GSDMA: variants seen among roughly 807,000 people sequenced by gnomAD.
The protein encoded by GSDMA is gasdermin-A.
Under a neutral mutation model 54.3 loss-of-function variants are expected in GSDMA, and 55 were observed. The ratio of observed to expected loss-of-function variants is 1.01; its 90% CI spans 0.82 to 1.27. The LOEUF (loss-of-function observed/expected upper bound fraction) is 1.27, where lower values mean the gene tolerates loss of function less well. Among genes scored for constraint, GSDMA ranks in the 50% most tolerant of loss-of-function variants. The pLI, the probability that GSDMA is intolerant of heterozygous loss-of-function variation, is 0.00. For synonymous variants in GSDMA, 211 were observed against 224.7 expected, an observed-to-expected ratio of 0.94 and a Z score of 0.54; for missense variants, 542 against 542.6, an observed-to-expected ratio of 1.00 and a Z score of 0.01.
In GSDMA at chr17:39,972,165, T is replaced by C; in HGVS notation, c.692T>C (p.Phe231Ser). 1 of 1,360,444 alleles carries C rather than the reference T, an allele frequency of 7.4e-7. No homozygotes were observed. Among genetic ancestry groups the C allele is most frequent in the Admixed American group, 1.9e-5 (1 of 51,420 alleles). 84.3% of individuals were successfully genotyped at this position (1,360,444 alleles called of 1,614,324 possible). A position where few individuals can be genotyped will look rare whatever the true frequency, so the allele number is the denominator to read the frequency against. Residue 231 changes from phenylalanine (F) to serine (S), a missense_variant, in exon 6 of 12, where the codon TTC (phenylalanine) becomes TCC (serine). Transcript: ENST00000301659. ...ATCTGCAATGATAACATGCAAACCT[T>C]CCCTCCTGGAGGTAAGTGAAATTGC... ...PHICNDNMQTFPPGEKSGEEK... is the reference protein window; with the variant it reads ...PHICNDNMQTSPPGEKSGEEK...
chr17:39,976,213 T>C (rs1281783092), intron 11 of GSDMA, among the ~76,000 whole-genome samples: 1 of 152,174 alleles, frequency 6.6e-6, no homozygotes, highest in Non-Finnish European at 1.5e-5. Flanking sequence ...TTTATTAGCC[T>C]GATCTTGGGA....
chr17:39,968,423 C>T (rs1039559731), intron 3 of GSDMA, among the ~76,000 whole-genome samples: 6 of 143,130 alleles, frequency 4.2e-5, no homozygotes, highest in Non-Finnish European at 9.0e-5. Context: ...TACCAGGTCA[C>T]TGCAACCTCC....
Position 39,974,286 on chromosome 17 carries a change from A to C in GSDMA, c.765A>C (p.Glu255Asp). Residue 255 changes from glutamate (E) to aspartate (D), a missense_variant, in exon 9 of 12, where the codon GAA becomes GAC. Coordinates refer to ENST00000301659, the MANE Select transcript of GSDMA (RefSeq NM_178171.5). ...TTGTCCCCATAGGGGACGTACACGAAGGCTTCAGGACACTAAAAGAAGAAG... is the reference window on the plus strand; with the variant it reads ...TTGTCCCCATAGGGGACGTACACGACGGCTTCAGGACACTAAAAGAAGAAG... The part of the protein sequence containing the change: ...IQASDVGDVH[E>D]GFRTLKEEVQ... 6.2e-7 allele frequency: 1 copy of C among 1,610,504 alleles called. No individual in the cohort carries two copies. Among genetic ancestry groups the C allele is most frequent in the African/African-American group, 1.3e-5 (1 of 74,888 alleles).
intron 1 of GSDMA, 44 bp from the exon 2 acceptor site, chr17:39,965,639 C>A: frequency 6.6e-7 from 1 of 1,505,148 alleles, no homozygotes; most frequent in Non-Finnish European, 9.1e-7. Flanking sequence ...CCTTGGCAGC[C>A]TTGGCAGCCA....
intron 3 of GSDMA, among the ~76,000 whole-genome samples, chr17:39,969,969 A>ACAT (rs34076738): frequency 1.3e-5 from 2 of 151,760 alleles, no homozygotes; most frequent in African/African-American, 4.8e-5. Context: ...AGGATTAGGG[A>ACAT]GTTTATATAT....
intron 7 of GSDMA, 71 bp downstream of exon 7, chr17:39,972,684 CT>C: frequency 7.6e-7 from 1 of 1,319,248 alleles, no homozygotes; most frequent in Non-Finnish European, 1.1e-6. Context: ...TTTTTCTTTC[CT>C]TCTGACAGGA....
chr17:39,963,787 G>A (rs1019934112), intron 1 of GSDMA, among the ~76,000 whole-genome samples: 1 of 152,156 alleles, frequency 6.6e-6, no homozygotes, highest in Non-Finnish European at 1.5e-5. Context: ...CCAGGAGATG[G>A]AGGTTGCAGT....
intron 10 of GSDMA, among the ~76,000 whole-genome samples, chr17:39,975,325 T>C (rs1980156376): frequency 6.6e-6 from 1 of 152,092 alleles, no homozygotes; most frequent in Admixed American, 6.5e-5. Context: ...GGCAGGTGCC[T>C]GTAATCCCAG....
At chr17:39,974,159 G>A in intron 8 of GSDMA, 114 bp from the exon 9 acceptor site, 1 of 1,109,190 alleles carries the variant, frequency 9.0e-7, no homozygotes, top group Non-Finnish European at 1.3e-6. Context: ...TCAAACTGGG[G>A]GGTAGAGCAT....
Position 39,977,297 on chromosome 17 carries a change from T to C in GSDMA, c.*239T>C, listed in dbSNP as rs1170317161. On this transcript the variant is annotated 3_prime_UTR_variant, in exon 12 of 12. Coordinates refer to ENST00000301659, the MANE Select transcript of GSDMA (RefSeq NM_178171.5). ...ATTTTCTTTACTTTTCTTTTCTTTTTTTTTTTTTTTTTGAGATGGAGGCTC... is the reference window on the plus strand; with the variant it reads ...ATTTTCTTTACTTTTCTTTTCTTTTCTTTTTTTTTTTTGAGATGGAGGCTC... 4.5e-5 allele frequency: 17 copies of C among 381,580 alleles called. No homozygotes were observed. The East Asian group carries it at 4.5e-4, about 10-fold the overall frequency. The allele number at this position is 381,580 out of a possible 1,614,324, so 23.6% of individuals were successfully genotyped here.
At chr17:39,975,145 C>T (rs2144798166) in intron 10 of GSDMA, 131 bp downstream of exon 10, 1 of 642,184 alleles carries the variant, frequency 1.6e-6, no homozygotes, top group South Asian at 1.7e-5. Context: ...TTTATATCTA[C>T]ATTTTTATAA....
chr17:39,972,266 T>C (rs1334087055), intron 6 of GSDMA, 90 bp downstream of exon 6: 2 of 904,716 alleles, frequency 2.2e-6, no homozygotes, highest in African/African-American at 3.3e-5. Context: ...TAGCTTATAC[T>C]ATAATCCCCC....
rs916395865 is a variant in GSDMA at position 39,977,142 on chromosome 17, G to C, written c.*84G>C. Reference sequence around the variant, plus strand: ...GTCCTTACCACCTAAGGGCATTTCAGAGCCATCAGCTGAAGACATCTGAAA... The same window carrying C: ...GTCCTTACCACCTAAGGGCATTTCACAGCCATCAGCTGAAGACATCTGAAA... On this transcript the variant is annotated 3_prime_UTR_variant, in exon 12 of 12. Transcript: ENST00000301659. The C allele has an allele frequency of 2.7e-6, 4 of 1,494,664 alleles. No homozygotes were observed. In the African/African-American group the frequency reaches 5.6e-5, roughly 21 times the overall value. The allele number at this position is 1,494,664 out of a possible 1,614,324, so 92.6% of individuals were successfully genotyped here. A position where few individuals can be genotyped will look rare whatever the true frequency, so the allele number is the denominator to read the frequency against.
intron 8 of GSDMA, 104 bp from the exon 9 acceptor site, chr17:39,974,169 T>C: frequency 8.2e-7 from 1 of 1,216,402 alleles, no homozygotes; most frequent in African/African-American, 1.5e-5. Context: ...GGGTAGAGCA[T>C]GGGTACCTAA....
chr17:39,963,281 A>G (rs1979494679), intron 1 of GSDMA, among the ~76,000 whole-genome samples, 196 bp downstream of exon 1: 2 of 151,674 alleles, frequency 1.3e-5, no homozygotes, highest in African/African-American at 2.4e-5. Context: ...AGCCCTTCCC[A>G]GGTGCACCCA....
intron 5 of GSDMA, 63 bp downstream of exon 5, chr17:39,971,683 C>T: frequency 8.5e-7 from 1 of 1,180,000 alleles, no homozygotes; most frequent in Middle Eastern, 2.2e-4. Flanking sequence ...TACTGAGGCA[C>T]CCTGGTCCCC....
chr17:39,976,944 C>G lies in GSDMA; in HGVS notation c.1224C>G (p.Gly408=), dbSNP rs771345961. 4 of 1,613,844 alleles carry G rather than the reference C, an allele frequency of 2.5e-6. No individual in the cohort carries two copies. In the African/African-American group the frequency reaches 5.3e-5, roughly 22 times the overall value. ...CGGAGGCTCTAGTCGGGCTGAGTGG[C>G]CTGGAAGTGCAGAGATCGGGCCCCC... The part of the protein sequence containing the change: ...TLTEALVGLS[G]LEVQRSGPQY... The change falls in exon 12 of 12, where the codon GGC becomes GGG. Residue 408 remains glycine, a synonymous_variant. Coordinates refer to ENST00000301659, the MANE Select transcript of GSDMA (RefSeq NM_178171.5).
chr17:39,965,838 G>A lies in GSDMA; in HGVS notation c.151G>A (p.Ala51Thr). Residue 51 changes from alanine (A) to threonine (T), a missense_variant, in exon 2 of 12, where the codon GCC becomes ACC. Coordinates refer to ENST00000301659, the MANE Select transcript of GSDMA (RefSeq NM_178171.5). ...GAGGAAGAGCACGCTCTTCTGGGGG[G>A]CCCGGTACGTCCGCACCGACTACAC... Reference protein sequence around the residue: ...RKRKSTLFWGARYVRTDYTLL... With the variant: ...RKRKSTLFWGTRYVRTDYTLL... The A allele has an allele frequency of 6.3e-7, 1 of 1,576,736 alleles. No homozygotes were observed. Among genetic ancestry groups the A allele is most frequent in the Non-Finnish European group, 8.6e-7 (1 of 1,161,820 alleles).
intron 9 of GSDMA, 26 bp downstream of exon 9, chr17:39,974,453 G>A (rs1370850706): frequency 2.6e-6 from 4 of 1,550,474 alleles, no homozygotes; most frequent in Non-Finnish European, 2.6e-6. Context: ...AAGTGGGGAA[G>A]GGTGGGAGAA....
Sources: gnomAD v4.1 joint callset for allele counts (sites outside exome capture counted in the v4.1 genomes callset) on GRCh38, gnomAD v4.1.1 for gene constraint, MANE v1.5 for transcripts, NCBI Gene and HGNC (gene_info 2026-07-23, HGNC 2026-07-21) for gene names.